ASB3: variants seen among roughly 807,000 people sequenced by gnomAD.
The protein encoded by ASB3 is ankyrin repeat and SOCS box protein 3.
ASB3 carries 41 observed loss-of-function variants against 54.5 expected under a neutral mutation model. That is an observed-to-expected ratio of 0.75 (90% confidence interval 0.59 to 0.98). The LOEUF is 0.98. Ranked by LOEUF, ASB3 falls within the 50% of genes least tolerant of loss-of-function variation. The probability of loss-of-function intolerance (pLI) is 0.00; values close to 1 mark genes in which losing one functional copy is unlikely to be tolerated. For missense variants in ASB3, 733 were observed against 620.0 expected (o/e 1.18, Z -1.94); for synonymous variants, 266 against 221.2 (o/e 1.20, Z -1.80).
At chr2:53,765,769 T>C (rs1178857880) in intron 1 of ASB3, among the ~76,000 whole-genome samples, 184 bp from the exon 2 acceptor site, 1 of 152,154 alleles carries the variant, frequency 6.6e-6, no homozygotes, top group African/African-American at 2.4e-5. Flanking sequence ...AGTTTCTCTG[T>C]TTGGCAGATT....
chr2:53,715,050 T>A (rs1296789063), intron 6 of ASB3, among the ~76,000 whole-genome samples: 1 of 152,130 alleles, frequency 6.6e-6, no homozygotes, highest in Non-Finnish European at 1.5e-5. Flanking sequence ...AGATGATAAC[T>A]GGCATGAAAT....
intron 1 of ASB3, among the ~76,000 whole-genome samples, chr2:53,766,951 GAC>G (rs529335717): frequency 6.6e-6 from 1 of 152,130 alleles, no homozygotes; most frequent in Non-Finnish European, 1.5e-5. Flanking sequence ...CACACACAGA[GAC>G]ACAGCCATGA....
At chr2:53,770,612 G>A (rs6717324) in intron 1 of ASB3, among the ~76,000 whole-genome samples, 152,231 of 152,232 alleles carry the variant, frequency 1, 76,115 homozygotes, top group Middle Eastern at 1. Flanking sequence ...CCATTTATAA[G>A]CAAAGACTGT....
chr2:53,687,884 C>T (rs528313458), intron 9 of ASB3, among the ~76,000 whole-genome samples: 21 of 152,272 alleles, frequency 1.4e-4, no homozygotes, highest in South Asian at 4.1e-4. Flanking sequence ...GGCATGAACA[C>T]GGCTCACTGC....
At chr2:53,685,970 T>G (rs1188308766) in intron 9 of ASB3, among the ~76,000 whole-genome samples, 2 of 152,196 alleles carry the variant, frequency 1.3e-5, no homozygotes, top group African/African-American at 4.8e-5. Flanking sequence ...AACTGTCACA[T>G]GGGAACTCCC....
intron 6 of ASB3, among the ~76,000 whole-genome samples, chr2:53,714,940 A>T (rs1670304636): frequency 6.6e-6 from 1 of 152,208 alleles, no homozygotes; most frequent in Admixed American, 6.5e-5. Flanking sequence ...ATTATTTAAA[A>T]CATCATTCTA....
At chr2:53,774,501 G>T (rs1321039105) in intron 1 of ASB3, 2 of 1,557,514 alleles carry the variant, frequency 1.3e-6, no homozygotes, top group African/African-American at 2.8e-5. Flanking sequence ...GTTTAGAAGG[G>T]AAACAGAACC....
At chr2:53,675,525 T>G (rs149298230) in intron 9 of ASB3, among the ~76,000 whole-genome samples, 1 of 152,226 alleles carries the variant, frequency 6.6e-6, no homozygotes, top group South Asian at 2.1e-4. Flanking sequence ...TTCTGATACA[T>G]GGATGTAGCT....
chr2:53,746,461 ACACT>A, intron 3 of ASB3, among the ~76,000 whole-genome samples: 1 of 150,088 alleles, frequency 6.7e-6, no homozygotes. Flanking sequence ...ATTCTTCCAC[ACACT>A]GTTTTTTGGG....
At chr2:53,676,809 C>G (rs1269171527) in intron 9 of ASB3, among the ~76,000 whole-genome samples, 1 of 152,182 alleles carries the variant, frequency 6.6e-6, no homozygotes, top group South Asian at 2.1e-4. Flanking sequence ...CTCACTCTGT[C>G]ACCAGGCTGG....
chr2:53,721,759 T>C (rs192082137), intron 5 of ASB3, among the ~76,000 whole-genome samples: 1 of 152,152 alleles, frequency 6.6e-6, no homozygotes, highest in African/African-American at 2.4e-5. Flanking sequence ...CTCAAATTAA[T>C]GATCCAATAT....
At chr2:53,769,585 G>A (rs1028311454) in intron 1 of ASB3, among the ~76,000 whole-genome samples, 3 of 152,180 alleles carry the variant, frequency 2.0e-5, no homozygotes, top group Admixed American at 2.0e-4. Flanking sequence ...GGTGGTTCCC[G>A]CCTATAATCC....
At chr2:53,739,911 T>A (rs1053767912) in intron 3 of ASB3, among the ~76,000 whole-genome samples, 12 of 152,132 alleles carry the variant, frequency 7.9e-5, no homozygotes, top group Non-Finnish European at 1.6e-4. Context: ...TGGGCTCAAG[T>A]GATCCTCCCA....
intron 1 of ASB3, chr2:53,772,075 G>A: frequency 3.4e-6 from 2 of 595,946 alleles, no homozygotes; most frequent in Non-Finnish European, 2.9e-6. Flanking sequence ...CTGTATTTGT[G>A]GGTTTTTTTT....
intron 7 of ASB3, among the ~76,000 whole-genome samples, chr2:53,711,063 C>T (rs576478215): frequency 3.9e-5 from 6 of 152,142 alleles, no homozygotes; most frequent in African/African-American, 1.4e-4. Context: ...CCAGGGAAGT[C>T]GAGGCTGCAG....
chr2:53,711,771 C>CAA (rs112948336), intron 7 of ASB3, among the ~76,000 whole-genome samples: 3 of 140,920 alleles, frequency 2.1e-5, no homozygotes, highest in Admixed American at 7.1e-5. Context: ...GAGACAGTCT[C>CAA]AAAAAAAAAA....
At chr2:53,732,931 G>A (rs1430526613) in intron 3 of ASB3, among the ~76,000 whole-genome samples, 1 of 152,212 alleles carries the variant, frequency 6.6e-6, no homozygotes, top group Admixed American at 6.5e-5. Flanking sequence ...CTGAAGAGGA[G>A]ACCCATAACT....
intron 2 of ASB3, among the ~76,000 whole-genome samples, chr2:53,760,191 G>A (rs186397919): frequency 1.8e-4 from 27 of 152,104 alleles, no homozygotes; most frequent in Admixed American, 1.4e-3. Context: ...ATTAGGAGAA[G>A]GAAAAAGGGT....
chr2:53,768,085 C>G, intron 1 of ASB3: 2 of 1,575,520 alleles, frequency 1.3e-6, no homozygotes, highest in Non-Finnish European at 1.7e-6. Context: ...ACTCCACACA[C>G]AGCACCCACA....
Sources: gnomAD v4.1 joint callset for allele counts (sites outside exome capture counted in the v4.1 genomes callset) on GRCh38, gnomAD v4.1.1 for gene constraint, MANE v1.5 for transcripts, NCBI Gene and HGNC (gene_info 2026-07-23, HGNC 2026-07-21) for gene names.